RORA: variants seen among roughly 807,000 people sequenced by gnomAD.
The protein encoded by RORA is nuclear receptor ROR-alpha.
Under a neutral mutation model 69.5 loss-of-function variants are expected in RORA, and 7 were observed. That is an observed-to-expected ratio of 0.10 (90% CI 0.06 to 0.19). RORA has a LOEUF of 0.19. RORA is among the 10% of genes least tolerant of loss of function. The pLI is 1.00. For synonymous variants in RORA, 261 were observed against 240.8 expected (o/e 1.08, Z -0.78); for missense variants, 457 against 663.0 (o/e 0.69, Z 3.41).
intron 1 of RORA, among the ~76,000 whole-genome samples, chr15:60,829,794 T>C (rs1219427734): frequency 6.6e-6 from 1 of 152,178 alleles, no homozygotes; most frequent in Non-Finnish European, 1.5e-5. Flanking sequence ...ATTGGTAAAT[T>C]CACACATTTA....
intron 1 of RORA, among the ~76,000 whole-genome samples, chr15:60,734,134 T>G (rs2071467952): frequency 6.6e-6 from 1 of 152,170 alleles, no homozygotes; most frequent in African/African-American, 2.4e-5. Flanking sequence ...CTCAGCAGGA[T>G]TTTTAGTGTT....
chr15:60,541,230 C>T (rs761310580), intron 2 of RORA, among the ~76,000 whole-genome samples: 13 of 152,304 alleles, frequency 8.5e-5, no homozygotes, highest in Admixed American at 5.2e-4. Context: ...GTTTCCAGGA[C>T]ATGGTCATTA....
chr15:61,177,724 G>A (rs2079642883), intron 1 of RORA, among the ~76,000 whole-genome samples: 1 of 152,148 alleles, frequency 6.6e-6, no homozygotes, highest in African/African-American at 2.4e-5. Context: ...CCTTTGGGAG[G>A]CTGAGGCAGG....
intron 1 of RORA, among the ~76,000 whole-genome samples, chr15:61,087,846 C>A (rs993856650): frequency 6.6e-6 from 1 of 152,202 alleles, no homozygotes; most frequent in African/African-American, 2.4e-5. Context: ...GCCAGGGAGC[C>A]ATAAATGTTA....
At chr15:60,987,172 C>A (rs1430978503) in intron 1 of RORA, among the ~76,000 whole-genome samples, 1 of 152,202 alleles carries the variant, frequency 6.6e-6, no homozygotes, top group Non-Finnish European at 1.5e-5. Context: ...GGACTAAAGA[C>A]ATGGGGTTAT....
intron 1 of RORA, among the ~76,000 whole-genome samples, chr15:60,863,281 A>G (rs1214948811): frequency 6.6e-6 from 1 of 152,222 alleles, no homozygotes; most frequent in Non-Finnish European, 1.5e-5. Context: ...ATGCCTGTAC[A>G]TGTCATAATA....
intron 1 of RORA, among the ~76,000 whole-genome samples, chr15:60,950,162 C>A (rs1005239472): frequency 6.6e-6 from 1 of 151,706 alleles, no homozygotes; most frequent in African/African-American, 2.4e-5. Flanking sequence ...GAATTTACAA[C>A]CCAGAATTTC....
At chr15:61,127,565 T>C (rs2079154312) in intron 1 of RORA, among the ~76,000 whole-genome samples, 1 of 152,222 alleles carries the variant, frequency 6.6e-6, no homozygotes, top group South Asian at 2.1e-4. Context: ...TCTTACAACA[T>C]GATGCACAAA....
intron 1 of RORA, among the ~76,000 whole-genome samples, chr15:60,839,737 T>C (rs1027011391): frequency 2.6e-5 from 4 of 152,112 alleles, no homozygotes; most frequent in African/African-American, 7.2e-5. Flanking sequence ...TGACTCCCCA[T>C]GGAGTTGTGA....
intron 1 of RORA, among the ~76,000 whole-genome samples, chr15:60,866,774 C>T (rs138734897): frequency 1.8e-4 from 27 of 152,174 alleles, no homozygotes; most frequent in African/African-American, 6.3e-4. Flanking sequence ...TATATCTTGT[C>T]TTATGCATCT....
intron 1 of RORA, among the ~76,000 whole-genome samples, chr15:60,776,806 C>T (rs553563487): frequency 3.3e-5 from 5 of 152,252 alleles, no homozygotes; most frequent in African/African-American, 4.8e-5. Context: ...TTATGCAGTC[C>T]TATCCTTACC....
chr15:60,790,184 C>G (rs1030633272), intron 1 of RORA, among the ~76,000 whole-genome samples: 2 of 152,236 alleles, frequency 1.3e-5, no homozygotes, highest in African/African-American at 4.8e-5. Flanking sequence ...TTGTGAGCAT[C>G]TAAATCACCT....
chr15:60,625,311 A>C, intron 2 of RORA, among the ~76,000 whole-genome samples: 1 of 152,180 alleles, frequency 6.6e-6, no homozygotes, highest in East Asian at 1.9e-4. Flanking sequence ...CTTATTCATT[A>C]TGTTTGGTGA....
At chr15:61,163,864 C>A (rs1176654827) in intron 1 of RORA, among the ~76,000 whole-genome samples, 1 of 152,180 alleles carries the variant, frequency 6.6e-6, no homozygotes, top group Non-Finnish European at 1.5e-5. Flanking sequence ...AAGATTGTTG[C>A]CTGCATGATC....
intron 1 of RORA, among the ~76,000 whole-genome samples, chr15:60,897,118 C>T (rs1200463669): frequency 6.6e-6 from 1 of 151,990 alleles, no homozygotes; most frequent in Non-Finnish European, 1.5e-5. Flanking sequence ...AAGGAGAGTT[C>T]CAGTCACTTG....
At chr15:61,152,684 GA>G (rs1459046629) in intron 1 of RORA, among the ~76,000 whole-genome samples, 2 of 152,120 alleles carry the variant, frequency 1.3e-5, no homozygotes, top group Non-Finnish European at 2.9e-5. Flanking sequence ...ATATAAAAAT[GA>G]AGCCTGGAAA....
intron 1 of RORA, among the ~76,000 whole-genome samples, chr15:60,934,976 C>A (rs1892478938): frequency 6.6e-6 from 1 of 152,228 alleles, no homozygotes; most frequent in Non-Finnish European, 1.5e-5. Flanking sequence ...AAGCACTGTT[C>A]TAAAACCTCT....
At chr15:61,049,982 T>C (rs1897223630) in intron 1 of RORA, among the ~76,000 whole-genome samples, 1 of 152,154 alleles carries the variant, frequency 6.6e-6, no homozygotes, top group Non-Finnish European at 1.5e-5. Flanking sequence ...ACTGCAGGAC[T>C]TCTCAGAGGC....
chr15:60,967,110 G>A (rs1020247120), intron 1 of RORA, among the ~76,000 whole-genome samples: 7 of 152,170 alleles, frequency 4.6e-5, no homozygotes, highest in African/African-American at 1.7e-4. Context: ...AGAACCTGAA[G>A]TTAAGAGTTC....
Sources: allele counts gnomAD v4.1 joint callset (sites outside exome capture counted in the v4.1 genomes callset), GRCh38; gene constraint gnomAD v4.1.1; transcripts MANE v1.5; gene names NCBI Gene and HGNC (gene_info 2026-07-23, HGNC 2026-07-21).